SMCHD1: variants seen among roughly 807,000 people sequenced by gnomAD.
SMCHD1 encodes the protein structural maintenance of chromosomes flexible hinge domain containing 1.
A neutral mutation model predicts 254.7 loss-of-function variants in SMCHD1; 78 were observed. The ratio of observed to expected loss-of-function variants is 0.31; its 90% CI spans 0.26 to 0.37. The LOEUF (loss-of-function observed/expected upper bound fraction) is 0.37, where lower values mean the gene tolerates loss of function less well. SMCHD1 is among the 10% of genes least tolerant of loss of function. The pLI, the probability that SMCHD1 is intolerant of heterozygous loss-of-function variation, is 1.00. For missense variants in SMCHD1, 1,840 were observed against 2,408.1 expected, an observed-to-expected ratio of 0.76 and a Z score of 4.94; for synonymous variants, 766 against 794.9, an observed-to-expected ratio of 0.96 and a Z score of 0.61.
At chr18:2,783,710 T>C (rs1193383580) in intron 44 of SMCHD1, among the ~76,000 whole-genome samples, 1 of 151,978 alleles carries the variant, frequency 6.6e-6, no homozygotes, top group Non-Finnish European at 1.5e-5. Context: ...GTAGCTGGGA[T>C]TACAGGCACG....
chr18:2,679,593 G>A (rs1374531447), intron 5 of SMCHD1, among the ~76,000 whole-genome samples: 2 of 150,048 alleles, frequency 1.3e-5, no homozygotes, highest in East Asian at 4.0e-4. Flanking sequence ...CAAATTAGCT[G>A]TTAATCTTTT....
chr18:2,755,750 G>A (rs2143652101), intron 34 of SMCHD1, among the ~76,000 whole-genome samples: 1 of 151,342 alleles, frequency 6.6e-6, no homozygotes, highest in Admixed American at 6.6e-5. Context: ...TGTATTTTTA[G>A]TAGAGACAGG....
chr18:2,802,983 T>C lies in SMCHD1; in HGVS notation c.*431T>C, dbSNP rs1289841371. The stretch of plus-strand genomic sequence containing the variant: ...CGTGAATTTATTTAACAAAGATGTT[T>C]TGTCTTTTGTGTAAGGGAGGTTCTA... On this transcript the variant is annotated 3_prime_UTR_variant, in exon 48 of 48. Coordinates refer to ENST00000320876, the MANE Select transcript of SMCHD1 (RefSeq NM_015295.3). 6.5e-6 allele frequency: 1 copy of C among 152,986 alleles called. No individual in the cohort carries two copies. The highest frequency in any genetic ancestry group is 3.1e-3 in the Middle Eastern group (1 of 322). 9.5% of individuals were successfully genotyped at this position (152,986 alleles called of 1,614,324 possible).
chr18:2,716,569 A>G (rs1485316124), intron 17 of SMCHD1, among the ~76,000 whole-genome samples: 2 of 152,166 alleles, frequency 1.3e-5, no homozygotes, highest in Admixed American at 6.5e-5. Context: ...GGGCTGGAGA[A>G]TCCTGCATTC....
In SMCHD1 at chr18:2,796,022, G is replaced by A; in HGVS notation, c.5793G>A (p.Glu1931=). 1 of 1,595,238 alleles carries A rather than the reference G, an allele frequency of 6.3e-7. No individual in the cohort carries two copies. Among genetic ancestry groups the A allele is most frequent in the African/African-American group, 1.3e-5 (1 of 74,850 alleles). The change falls in exon 46 of 48, where the codon GAG becomes GAA. Residue 1931 remains glutamate (E), a synonymous_variant. Transcript: ENST00000320876. The part of the protein sequence containing the change: ...SVNKDLNSQL[E]YLRTPDMRKK... ...ATAAGGATCTTAACAGTCAATTAGA[G>A]TACCTTCGCACTCCGGATATGAGGA...
chr18:2,773,589 C>G (rs192543308), intron 41 of SMCHD1, among the ~76,000 whole-genome samples: 35 of 152,212 alleles, frequency 2.3e-4, no homozygotes, highest in Middle Eastern at 6.8e-3. Flanking sequence ...AGTCTTTTCC[C>G]TCGCTTCCTT....
chr18:2,685,364 G>A (rs1357278623), intron 5 of SMCHD1, among the ~76,000 whole-genome samples: 1 of 152,048 alleles, frequency 6.6e-6, no homozygotes, highest in Non-Finnish European at 1.5e-5. Flanking sequence ...CTCCCAAAGT[G>A]CTGGGATTAC....
chr18:2,724,739 A>C (rs1370975761), intron 20 of SMCHD1, among the ~76,000 whole-genome samples, 160 bp from the exon 21 acceptor site: 1 of 152,086 alleles, frequency 6.6e-6, no homozygotes, highest in African/African-American at 2.4e-5. Flanking sequence ...TTTCTTTGTA[A>C]AAGAAATCCA....
At chr18:2,676,728 TTA>T (rs2073759070) in intron 5 of SMCHD1, among the ~76,000 whole-genome samples, 1 of 152,182 alleles carries the variant, frequency 6.6e-6, no homozygotes, top group South Asian at 2.1e-4. Context: ...TCACCTAGAT[TTA>T]TCAGTTGTTA....
At chr18:2,783,469 C>G (rs912799230) in intron 44 of SMCHD1, among the ~76,000 whole-genome samples, 2 of 152,036 alleles carry the variant, frequency 1.3e-5, no homozygotes, top group Admixed American at 6.6e-5. Context: ...TGAAGTTTAA[C>G]TTTTATTTTT....
intron 44 of SMCHD1, among the ~76,000 whole-genome samples, chr18:2,781,062 T>C (rs1260429787): frequency 6.6e-6 from 1 of 152,198 alleles, no homozygotes; most frequent in Non-Finnish European, 1.5e-5. Context: ...AACTTAAGCA[T>C]TGATTTTTCA....
At chr18:2,748,236 A>G (rs1340687501) in intron 30 of SMCHD1, among the ~76,000 whole-genome samples, 1 of 151,138 alleles carries the variant, frequency 6.6e-6, no homozygotes. Context: ...ATTAGGTATC[A>G]TTTATTCCTA....
chr18:2,764,898 C>T (rs1044546826), intron 37 of SMCHD1, among the ~76,000 whole-genome samples: 2 of 152,092 alleles, frequency 1.3e-5, no homozygotes, highest in South Asian at 2.1e-4. Context: ...AAGCAGAATG[C>T]GTTAGAGATA....
chr18:2,770,731 G>C (rs377094522), intron 39 of SMCHD1, among the ~76,000 whole-genome samples: 12 of 151,756 alleles, frequency 7.9e-5, no homozygotes, highest in Admixed American at 4.6e-4. Context: ...AGTGATTCTC[G>C]TGCCTCAGCC....
Position 2,729,311 on chromosome 18 carries a change from G to T in SMCHD1, c.2950G>T (p.Asp984Tyr). 1 of 1,555,616 alleles carries T rather than the reference G, an allele frequency of 6.4e-7. No individual in the cohort carries two copies. Among genetic ancestry groups the T allele is most frequent in the Non-Finnish European group, 8.7e-7 (1 of 1,151,362 alleles). Residue 984 changes from aspartate to tyrosine, a missense_variant, in exon 24 of 48, where the codon GAT (aspartate) becomes TAT (tyrosine). This residue lies in a region of SMCHD1 where 881 missense variants were observed against 1,009.5 expected (regional missense o/e 0.87). Coordinates refer to ENST00000320876, the MANE Select transcript of SMCHD1 (RefSeq NM_015295.3). ...GAPNLPVYVV[D>Y]CSSSGTSILT... ...TCCAAACCTTCCAGTCTATGTTGTA[G>T]ATTGCAGTAGTTCTGGAACCAGTAT...
At chr18:2,701,894 A>G (rs1254082636) in intron 12 of SMCHD1, among the ~76,000 whole-genome samples, 5 of 151,090 alleles carry the variant, frequency 3.3e-5, no homozygotes, top group African/African-American at 7.3e-5. Flanking sequence ...ATTTGTAGTC[A>G]GTCAGTCCTG....
chr18:2,673,510 G>C (rs778611613), intron 4 of SMCHD1, 147 bp downstream of exon 4: 10 of 642,790 alleles, frequency 1.6e-5, no homozygotes, highest in Admixed American at 1.4e-4. Flanking sequence ...ATTTTTTCAC[G>C]TTTTTTTCCT....
chr18:2,769,442 T>C (rs2075934483), intron 37 of SMCHD1, among the ~76,000 whole-genome samples: 1 of 152,210 alleles, frequency 6.6e-6, no homozygotes, highest in South Asian at 2.1e-4. Context: ...TTATCATATA[T>C]ACTTTTCACA....
intron 36 of SMCHD1, among the ~76,000 whole-genome samples, chr18:2,763,158 A>C (rs1270292141): frequency 6.6e-6 from 1 of 152,118 alleles, no homozygotes; most frequent in African/African-American, 2.4e-5. Context: ...TCTTTTCCCA[A>C]AACATCTTGT....
Sources: gnomAD v4.1 joint callset for allele counts (sites outside exome capture counted in the v4.1 genomes callset) on GRCh38, gnomAD v4.1.1 for gene constraint, gnomAD v4.1.1 regional missense constraint, MANE v1.5 for transcripts, NCBI Gene and HGNC (gene_info 2026-07-23, HGNC 2026-07-21) for gene names.